Variants in LRRC49 observed in about 807,000 individuals in gnomAD.
LRRC49 encodes the protein leucine-rich repeat-containing protein 49.
A neutral mutation model predicts 83.3 loss-of-function variants in LRRC49; 50 were observed. That is an observed-to-expected ratio of 0.60 (90% CI 0.48 to 0.76). The LOEUF (loss-of-function observed/expected upper bound fraction) is 0.76, where lower values mean the gene tolerates loss of function less well. Ranked by LOEUF, LRRC49 falls within the 30% of genes least tolerant of loss-of-function variation. LRRC49 has a pLI of 0.00. For missense variants in LRRC49, 704 were observed against 809.1 expected, an observed-to-expected ratio of 0.87 and a Z score of 1.58; for synonymous variants, 286 against 283.3, an observed-to-expected ratio of 1.01 and a Z score of -0.10.
chr15:71,044,137 A>T (rs559487023), intron 15 of LRRC49, among the ~76,000 whole-genome samples: 2 of 152,348 alleles, frequency 1.3e-5, no homozygotes, highest in East Asian at 3.9e-4. Context: ...GAGCAGCTAC[A>T]TTCTGTTCTC....
At chr15:71,019,159 T>C (rs1325322795) in intron 14 of LRRC49, among the ~76,000 whole-genome samples, 4 of 152,130 alleles carry the variant, frequency 2.6e-5, no homozygotes, top group Non-Finnish European at 5.9e-5. Flanking sequence ...AATGAAATCA[T>C]TGGCTATTGG....
chr15:70,922,279 G>T (rs1367813498), intron 7 of LRRC49, among the ~76,000 whole-genome samples: 1 of 152,094 alleles, frequency 6.6e-6, no homozygotes, highest in Non-Finnish European at 1.5e-5. Context: ...AACAACCTAA[G>T]TGTCCATTAA....
chr15:70,885,541 T>A, intron 2 of LRRC49, among the ~76,000 whole-genome samples: 1 of 152,136 alleles, frequency 6.6e-6, no homozygotes, highest in Non-Finnish European at 1.5e-5. Context: ...ATGCCTAAAC[T>A]TTTAAGGACA....
chr15:70,895,819 A>T (rs775351041), intron 2 of LRRC49, 30 bp from the exon 3 acceptor site: 1 of 1,417,488 alleles, frequency 7.1e-7, no homozygotes, highest in Non-Finnish European at 9.9e-7. Flanking sequence ...TTTGTCTCCA[A>T]ATATTTTTTT....
chr15:71,048,915 G>A (rs973383142), intron 15 of LRRC49: 14 of 452,546 alleles, frequency 3.1e-5, no homozygotes, highest in African/African-American at 6.0e-5. Context: ...TCAAGGCTGC[G>A]TAAGTCAGTG....
chr15:70,934,261 C>A (rs999695997), intron 7 of LRRC49, among the ~76,000 whole-genome samples: 4 of 152,080 alleles, frequency 2.6e-5, no homozygotes, highest in African/African-American at 9.7e-5. Flanking sequence ...ACGGTGTTTT[C>A]TTTTTGTCTA....
chr15:70,961,790 T>G (rs1225998151), intron 8 of LRRC49, among the ~76,000 whole-genome samples: 1 of 152,202 alleles, frequency 6.6e-6, no homozygotes, highest in East Asian at 1.9e-4. Flanking sequence ...ATTTTTCTAG[T>G]GTCATGAAAC....
intron 2 of LRRC49, among the ~76,000 whole-genome samples, chr15:70,884,770 TA>T (rs913849547): frequency 6.6e-6 from 1 of 152,118 alleles, no homozygotes. Context: ...TAATCAGGGT[TA>T]AAAAAATAAC....
chr15:70,985,948 G>A (rs1442518389), intron 11 of LRRC49, among the ~76,000 whole-genome samples: 3 of 143,994 alleles, frequency 2.1e-5, no homozygotes, highest in Non-Finnish European at 3.1e-5. Context: ...GTAGATATGC[G>A]GCGTTATTTC....
intron 1 of LRRC49, among the ~76,000 whole-genome samples, chr15:70,861,749 T>C (rs908973507): frequency 3.9e-5 from 6 of 152,170 alleles, no homozygotes; most frequent in Non-Finnish European, 7.4e-5. Flanking sequence ...ATGAGGAATG[T>C]CACAAGTTAA....
At chr15:70,970,240 T>C (rs1414724171) in intron 9 of LRRC49, among the ~76,000 whole-genome samples, 1 of 152,204 alleles carries the variant, frequency 6.6e-6, no homozygotes, top group Non-Finnish European at 1.5e-5. Context: ...GATAATCATA[T>C]GGTTTTTGTC....
chr15:71,033,685 C>G (rs1596165624), intron 14 of LRRC49, among the ~76,000 whole-genome samples: 1 of 152,146 alleles, frequency 6.6e-6, no homozygotes, highest in East Asian at 1.9e-4. Flanking sequence ...GGTACCAAAA[C>G]AGACACATAC....
At chr15:70,977,043 G>C (rs2037230903) in intron 9 of LRRC49, among the ~76,000 whole-genome samples, 1 of 152,276 alleles carries the variant, frequency 6.6e-6, no homozygotes, top group South Asian at 2.1e-4. Context: ...CATCTCGTAA[G>C]TATGTGTAGT....
intron 1 of LRRC49, among the ~76,000 whole-genome samples, chr15:70,872,159 C>T (rs535353140): frequency 6.6e-6 from 1 of 152,196 alleles, no homozygotes; most frequent in African/African-American, 2.4e-5. Flanking sequence ...CTCGGGAGGC[C>T]GAAGCTGGCA....
chr15:70,998,902 A>G (rs975750288), intron 11 of LRRC49, among the ~76,000 whole-genome samples: 1 of 151,984 alleles, frequency 6.6e-6, no homozygotes, highest in African/African-American at 2.4e-5. Context: ...CACTCCTCAG[A>G]CTACATAATT....
intron 8 of LRRC49, 144 bp downstream of exon 8, chr15:70,936,966 G>T: frequency 1.7e-6 from 1 of 594,412 alleles, no homozygotes; most frequent in Non-Finnish European, 3.0e-6. Flanking sequence ...AGTTCTTTGT[G>T]GAAAAGCAAA....
At position 70,916,916 on chromosome 15, in the gene LRRC49, G is replaced by A. The variant is rs560502781; in HGVS notation, c.568-2134G>A. Among the ~76,000 whole-genome samples, 49 of 152,326 alleles carry A rather than the reference G, an allele frequency of 3.2e-4. No homozygotes were observed. In the South Asian group the frequency reaches 9.5e-3, roughly 30 times the overall value. On this transcript the variant is annotated intron_variant, in intron 6 of 15. Coordinates refer to ENST00000260382, the MANE Select transcript of LRRC49 (RefSeq NM_017691.5). Reference sequence around the variant, plus strand: ...GCATCTCTGCACTCTTGGGGACGCAGAAAGTACCCCCCAACCCTCACTCTC... The same window carrying A: ...GCATCTCTGCACTCTTGGGGACGCAAAAAGTACCCCCCAACCCTCACTCTC...
chr15:70,974,383 C>G (rs2037130136), intron 9 of LRRC49, among the ~76,000 whole-genome samples: 1 of 152,120 alleles, frequency 6.6e-6, no homozygotes, highest in Non-Finnish European at 1.5e-5. Flanking sequence ...ATTTTTGATT[C>G]AAGTATACTT....
At chr15:70,935,329 A>AT (rs1338706177) in intron 7 of LRRC49, among the ~76,000 whole-genome samples, 5 of 152,222 alleles carry the variant, frequency 3.3e-5, no homozygotes, top group African/African-American at 4.8e-5. Context: ...AGTTTGGAGA[A>AT]TAGTACATAG....
Sources: gnomAD v4.1 joint callset for allele counts (sites outside exome capture counted in the v4.1 genomes callset) on GRCh38, gnomAD v4.1.1 for gene constraint, MANE v1.5 for transcripts, NCBI Gene and HGNC (gene_info 2026-07-23, HGNC 2026-07-21) for gene names.